The following DLGAP1 variants were observed in gnomAD, a reference collection of about 807,000 sequenced individuals.
DLGAP1 encodes disks large-associated protein 1.
In DLGAP1, 11 loss-of-function variants were observed where a neutral mutation model predicts 90.8. The observed-to-expected ratio is 0.12, with a 90% CI of 0.08 to 0.20. The LOEUF (loss-of-function observed/expected upper bound fraction) is 0.20. DLGAP1 is among the 10% of genes least tolerant of loss of function. The pLI is 1.00. For synonymous variants in DLGAP1, 558 were observed against 540.7 expected (o/e 1.03, Z -0.44); for missense variants, 1,050 against 1,333.8 (o/e 0.79, Z 3.31).
chr18:4,045,277 A>G (rs2075032461), intron 2 of DLGAP1, among the ~76,000 whole-genome samples: 1 of 151,732 alleles, frequency 6.6e-6, no homozygotes, highest in Non-Finnish European at 1.5e-5. Flanking sequence ...GTAGTTTCAT[A>G]TGTGCCGAAA....
At chr18:3,813,941 T>A in intron 5 of DLGAP1, 118 bp downstream of exon 5, 1 of 953,288 alleles carries the variant, frequency 1.0e-6, no homozygotes. Flanking sequence ...ATCAATGTAC[T>A]GCACTGCTCC....
chr18:4,046,851 T>G (rs2075062133), intron 2 of DLGAP1, among the ~76,000 whole-genome samples: 1 of 152,216 alleles, frequency 6.6e-6, no homozygotes, highest in African/African-American at 2.4e-5. Context: ...AGTTCATGTC[T>G]AGAGGCAACA....
intron 1 of DLGAP1, among the ~76,000 whole-genome samples, chr18:4,269,414 C>T (rs187815026): frequency 8.4e-4 from 123 of 147,212 alleles, no homozygotes; most frequent in Non-Finnish European, 8.3e-4. Context: ...AGTGCAGTGG[C>T]GCGATCTCAG....
At chr18:4,272,720 T>C (rs1397160144) in intron 1 of DLGAP1, among the ~76,000 whole-genome samples, 1 of 152,228 alleles carries the variant, frequency 6.6e-6, no homozygotes, top group Non-Finnish European at 1.5e-5. Context: ...CGTTTTATAG[T>C]GGCCTACATT....
intron 7 of DLGAP1, among the ~76,000 whole-genome samples, chr18:3,611,103 C>T (rs1197155357): frequency 6.6e-6 from 1 of 151,474 alleles, no homozygotes; most frequent in East Asian, 1.9e-4. Context: ...CTGCACTCTA[C>T]CCTGGGCGAT....
intron 7 of DLGAP1, among the ~76,000 whole-genome samples, chr18:3,724,650 T>C (rs1278796843): frequency 8.6e-5 from 13 of 151,906 alleles, no homozygotes; most frequent in Admixed American, 5.2e-4. Context: ...GAGGCTGAGG[T>C]GGGAGGATCA....
At chr18:4,127,756 T>C (rs555151393) in intron 2 of DLGAP1, among the ~76,000 whole-genome samples, 14 of 152,306 alleles carry the variant, frequency 9.2e-5, no homozygotes, top group African/African-American at 3.4e-4. Flanking sequence ...AAATAAGGCC[T>C]GAAACACAGG....
chr18:4,203,207 G>A (rs183453613), intron 1 of DLGAP1, among the ~76,000 whole-genome samples: 130 of 151,400 alleles, frequency 8.6e-4, no homozygotes, highest in African/African-American at 2.7e-3. Flanking sequence ...CCCGGGAGGC[G>A]GAGGTTGCAG....
intron 1 of DLGAP1, among the ~76,000 whole-genome samples, chr18:4,357,157 CTTTTTTT>C (rs554248097): frequency 7.4e-5 from 8 of 108,708 alleles, no homozygotes; most frequent in South Asian, 3.3e-4. Context: ...TGTTTTTTTC[CTTTTTTT>C]TTTTTTTTTT....
intron 1 of DLGAP1, among the ~76,000 whole-genome samples, chr18:4,208,010 T>C (rs566254892): frequency 6.6e-6 from 1 of 152,364 alleles, no homozygotes; most frequent in South Asian, 2.1e-4. Context: ...ATACTTACAA[T>C]GTTACCTCAC....
chr18:3,502,623 G>C lies in DLGAP1; in HGVS notation c.2594C>G (p.Pro865Arg), dbSNP rs1443191460. The C allele has an allele frequency of 6.2e-7, 1 of 1,613,848 alleles. No individual in the cohort carries two copies. Reference sequence around the variant, plus strand: ...AAACCCCGCCAAATCCTGGGAGGTGGGTCTTGGATGAGCATTAGGATTCTG... The same window carrying C: ...AAACCCCGCCAAATCCTGGGAGGTGCGTCTTGGATGAGCATTAGGATTCTG... Reference protein sequence around the residue: ...ENLNPNAHPRPTSQDLAGFWD... With the variant: ...ENLNPNAHPRRTSQDLAGFWD... Residue 865 changes from proline to arginine, a missense_variant, in exon 12 of 13, where the codon CCC becomes CGC. This residue lies in a region of DLGAP1 where 565 missense variants were observed against 879.7 expected (regional missense o/e 0.64). Coordinates refer to ENST00000315677, the MANE Select transcript of DLGAP1 (RefSeq NM_004746.4).
chr18:4,125,899 G>A (rs1186958655), intron 2 of DLGAP1, among the ~76,000 whole-genome samples: 10 of 152,148 alleles, frequency 6.6e-5, no homozygotes. Context: ...AACATTTCCA[G>A]GGCCAGAGTG....
chr18:4,106,662 TCTC>T (rs2075874200), intron 2 of DLGAP1, among the ~76,000 whole-genome samples: 1 of 152,240 alleles, frequency 6.6e-6, no homozygotes, highest in African/African-American at 2.4e-5. Flanking sequence ...CTGCCTGTCT[TCTC>T]AGACCAAAAC....
intron 2 of DLGAP1, among the ~76,000 whole-genome samples, chr18:4,107,451 T>G (rs2075889292): frequency 6.6e-6 from 1 of 152,196 alleles, no homozygotes; most frequent in South Asian, 2.1e-4. Context: ...TGCTTCCCAA[T>G]GTACTTGTTC....
At chr18:3,527,186 C>G (rs756654951) in intron 10 of DLGAP1, among the ~76,000 whole-genome samples, 2 of 152,166 alleles carry the variant, frequency 1.3e-5, no homozygotes, top group African/African-American at 2.4e-5. Context: ...CACATTTAGT[C>G]AGTTTCAGGT....
At chr18:4,226,938 A>G (rs1190281639) in intron 1 of DLGAP1, among the ~76,000 whole-genome samples, 1 of 151,936 alleles carries the variant, frequency 6.6e-6, no homozygotes, top group African/African-American at 2.4e-5. Flanking sequence ...AAATTTTTTA[A>G]AAAAAGACTT....
chr18:4,271,735 T>C (rs570093077), intron 1 of DLGAP1, among the ~76,000 whole-genome samples: 1 of 152,296 alleles, frequency 6.6e-6, no homozygotes, highest in South Asian at 2.1e-4. Flanking sequence ...TCAGTCTCAA[T>C]TATTACTTCT....
At chr18:4,268,110 A>AC (rs1411460461) in intron 1 of DLGAP1, among the ~76,000 whole-genome samples, 1 of 152,122 alleles carries the variant, frequency 6.6e-6, no homozygotes, top group Non-Finnish European at 1.5e-5. Flanking sequence ...GATGGTTACT[A>AC]CCTCAGGTGG....
At chr18:3,502,806 C>T (rs976390784) in intron 11 of DLGAP1, among the ~76,000 whole-genome samples, 161 bp from the exon 12 acceptor site, 4 of 152,196 alleles carry the variant, frequency 2.6e-5, no homozygotes, top group African/African-American at 9.6e-5. Context: ...TAATTTTATA[C>T]ACTCATCCGT....
Sources: allele counts gnomAD v4.1 joint callset (sites outside exome capture counted in the v4.1 genomes callset), GRCh38; gene constraint gnomAD v4.1.1; regional missense constraint gnomAD v4.1.1; transcripts MANE v1.5; gene names NCBI Gene and HGNC (gene_info 2026-07-23, HGNC 2026-07-21).